Variants in NIPAL2 observed in about 807,000 individuals in gnomAD.
The protein encoded by NIPAL2 is NIPA like domain containing 2, also known as NIPA-like protein 2.
In NIPAL2, 43 loss-of-function variants were observed where a neutral mutation model predicts 48.9. The ratio of observed to expected loss-of-function variants is 0.88; its 90% CI spans 0.69 to 1.13. NIPAL2 has a LOEUF of 1.13. Ranked by LOEUF, NIPAL2 falls within the 50% of genes most tolerant of loss-of-function variation. The pLI, the probability that NIPAL2 is intolerant of heterozygous loss-of-function variation, is 0.00. For synonymous variants in NIPAL2, 167 were observed against 174.6 expected, an observed-to-expected ratio of 0.96 and a Z score of 0.34; for missense variants, 446 against 461.4, an observed-to-expected ratio of 0.97 and a Z score of 0.31.
In NIPAL2 at chr8:98,212,425, A is replaced by G. The variant is rs1042705405; in HGVS notation, c.635T>C (p.Leu212Pro). 1.3e-6 allele frequency: 2 copies of G among 1,586,612 alleles called. No individual in the cohort carries two copies. Among genetic ancestry groups the G allele is most frequent in the African/African-American group, 1.3e-5 (1 of 74,380 alleles). ...TTTACCTAGAATTGCCACCAGGGTT[A>G]GCAGAATCACCATATGCTTCATTCC... Reference protein sequence around the residue: ...RKGMKHMVILLTLVAILASLT... With the variant: ...RKGMKHMVILPTLVAILASLT... Residue 212 changes from leucine to proline, a missense_variant, in exon 6 of 11, where the codon CTA becomes CCA. Physicochemically the swap from Leu to Pro is moderately conservative, Grantham distance 98 (BLOSUM62 -3). Coordinates refer to ENST00000430223, the MANE Select transcript of NIPAL2 (RefSeq NM_001321635.2).
chr8:98,204,330 C>T (rs761862595), intron 7 of NIPAL2, among the ~76,000 whole-genome samples: 7 of 152,258 alleles, frequency 4.6e-5, no homozygotes, highest in South Asian at 2.1e-4. Context: ...AACAATTAGA[C>T]GGTATTTCTC....
chr8:98,288,037 T>C (rs925307066), intron 1 of NIPAL2, among the ~76,000 whole-genome samples: 2 of 152,184 alleles, frequency 1.3e-5, no homozygotes, highest in Non-Finnish European at 2.9e-5. Context: ...ATTTTATACA[T>C]ATATATTTTT....
At chr8:98,261,524 AT>A (rs1314206476) in intron 1 of NIPAL2, among the ~76,000 whole-genome samples, 1 of 142,074 alleles carries the variant, frequency 7.0e-6, no homozygotes, top group African/African-American at 2.7e-5. Context: ...AAGAAAGGGT[AT>A]CAGCAATGGA....
intron 3 of NIPAL2, among the ~76,000 whole-genome samples, chr8:98,236,509 G>A (rs1812721986): frequency 6.6e-6 from 1 of 151,560 alleles, no homozygotes; most frequent in Admixed American, 6.6e-5. Context: ...GGCAGAAAGA[G>A]CAGGAAGGGG....
rs185901436 is a variant in NIPAL2, at chr8:98,269,839, C to G, written c.136-15752G>C. Among the ~76,000 whole-genome samples, 44 of 152,092 alleles carry G rather than the reference C, an allele frequency of 2.9e-4. No individual in the cohort carries two copies. In the East Asian group the frequency reaches 6.0e-3, roughly 21 times the overall value. ...TAGGCAGTTTTTTTAACTCTTGCCC[C>G]CTCCCTCCTCCAGAGTTCCCAGTGT... On this transcript the variant is annotated intron_variant, in intron 1 of 10. Transcript: ENST00000430223.
At chr8:98,194,159 A>G (rs1810435030) in intron 10 of NIPAL2, among the ~76,000 whole-genome samples, 1 of 152,196 alleles carries the variant, frequency 6.6e-6, no homozygotes, top group Non-Finnish European at 1.5e-5. Context: ...CACAGCAGAC[A>G]GTTTCCTTTG....
At chr8:98,236,133 C>A in intron 4 of NIPAL2, 22 bp downstream of exon 4, 12 of 1,491,500 alleles carry the variant, frequency 8.0e-6, no homozygotes, top group Non-Finnish European at 1.1e-5. Flanking sequence ...GCTACAATTA[C>A]ATGAATTAAA....
intron 3 of NIPAL2, among the ~76,000 whole-genome samples, chr8:98,249,111 C>A (rs1453735111): frequency 4.6e-5 from 7 of 152,126 alleles, no homozygotes; most frequent in Non-Finnish European, 7.3e-5. Context: ...GGAGACCTGG[C>A]GTACTGCATC....
chr8:98,264,598 G>C (rs1814587605), intron 1 of NIPAL2, among the ~76,000 whole-genome samples: 2 of 150,966 alleles, frequency 1.3e-5, no homozygotes, highest in Non-Finnish European at 3.0e-5. Context: ...TCTTCAAGGA[G>C]AACTACAAAC....
At chr8:98,265,090 G>A (rs1344060085) in intron 1 of NIPAL2, among the ~76,000 whole-genome samples, 2 of 132,840 alleles carry the variant, frequency 1.5e-5, no homozygotes, top group East Asian at 4.5e-4. Context: ...GTAGAAAGCT[G>A]AAACTGGATC....
intron 1 of NIPAL2, among the ~76,000 whole-genome samples, chr8:98,289,011 G>A (rs1183369178): frequency 6.6e-6 from 1 of 152,048 alleles, no homozygotes; most frequent in Non-Finnish European, 1.5e-5. Context: ...ATAGTAAATG[G>A]TGTCTTTTTC....
At position 98,217,089 on chromosome 8, in the gene NIPAL2, G is replaced by A. The variant is rs559672109; in HGVS notation, c.559-4588C>T. The A allele has an allele frequency of 2.2e-5, 22 of 985,394 alleles. No homozygotes were observed. The South Asian group carries it at 9.4e-4, about 42-fold the overall frequency. 61.0% of individuals were successfully genotyped at this position (985,394 alleles called of 1,614,324 possible). A position where few individuals can be genotyped will look rare whatever the true frequency, so the allele number is the denominator to read the frequency against. ...CCTCTTTGCATTTTGGCAAGGATGG[G>A]GATTGCCCATCTGCAGCAGACAGGC... On this transcript the variant is annotated intron_variant, in intron 5 of 10. Transcript: ENST00000430223.
rs1816649957 is a variant in NIPAL2, at chr8:98,294,159, G to C, written c.-22C>G. 1 of 1,354,018 alleles carries C rather than the reference G, an allele frequency of 7.4e-7. No individual in the cohort carries two copies. 83.9% of individuals were successfully genotyped at this position (1,354,018 alleles called of 1,614,324 possible). Reference sequence around the variant, plus strand: ...CCATGAGGTCTCGCTCCCGGCGCTCGGGCTCCGGCTCGGGCTGCGGCCGCC... The same window carrying C: ...CCATGAGGTCTCGCTCCCGGCGCTCCGGCTCCGGCTCGGGCTGCGGCCGCC... On this transcript the variant is annotated 5_prime_UTR_variant, in exon 1 of 11. Transcript: ENST00000430223.
chr8:98,262,526 CAAAG>C (rs1317339712), intron 1 of NIPAL2, among the ~76,000 whole-genome samples: 2 of 151,388 alleles, frequency 1.3e-5, no homozygotes, highest in African/African-American at 4.9e-5. Flanking sequence ...TCAAAAGAGA[CAAAG>C]AAGGCCATTA....
At chr8:98,293,213 A>C (rs1816584530) in intron 1 of NIPAL2, among the ~76,000 whole-genome samples, 1 of 152,232 alleles carries the variant, frequency 6.6e-6, no homozygotes, top group Non-Finnish European at 1.5e-5. Context: ...AACAAGAACA[A>C]AGTAACACAT....
Position 98,192,184 on chromosome 8 carries a change from TAAAC to T in NIPAL2, c.*790_*793del, listed in dbSNP as rs1340122186. On this transcript the variant is annotated 3_prime_UTR_variant, in exon 11 of 11. Coordinates refer to ENST00000430223, the MANE Select transcript of NIPAL2 (RefSeq NM_001321635.2). ...ACCATTCTAGATTTTTATTAAAAAA[TAAAC>T]AAACATTAGTCCTACTTTTTGTCTC... The T allele has an allele frequency of 2.0e-5, 3 of 152,178 alleles. No individual in the cohort carries two copies. The highest frequency in any genetic ancestry group is 6.5e-5 in the Admixed American group (1 of 15,282). The allele number at this position is 152,178 out of a possible 1,614,324, so 9.4% of individuals were successfully genotyped here.
rs1385181007 is a variant in NIPAL2, at chr8:98,294,201, C to A, written c.-64G>T. 4 of 1,229,798 alleles carry A rather than the reference C, an allele frequency of 3.3e-6. No homozygotes were observed. Among genetic ancestry groups the A allele is most frequent in the Admixed American group, 4.4e-5 (1 of 22,798 alleles). 76.2% of individuals were successfully genotyped at this position (1,229,798 alleles called of 1,614,324 possible). A position where few individuals can be genotyped will look rare whatever the true frequency, so the allele number is the denominator to read the frequency against. ...GCGGCCGCCTCCCCGCCCTGTTGCA[C>A]CGCGAGGAGGCCGCGCCGCAGCCAC... On this transcript the variant is annotated 5_prime_UTR_variant, in exon 1 of 11. Coordinates refer to ENST00000430223, the MANE Select transcript of NIPAL2 (RefSeq NM_001321635.2).
intron 5 of NIPAL2, among the ~76,000 whole-genome samples, chr8:98,218,293 A>C (rs1294035590): frequency 6.6e-6 from 1 of 152,250 alleles, no homozygotes; most frequent in Non-Finnish European, 1.5e-5. Flanking sequence ...AGTCTGGACT[A>C]TCATGAAATT....
intron 5 of NIPAL2, among the ~76,000 whole-genome samples, chr8:98,215,309 A>G (rs2130733556): frequency 6.6e-6 from 1 of 152,364 alleles, no homozygotes; most frequent in East Asian, 1.9e-4. Flanking sequence ...AAGAAGTCAC[A>G]CTGCTCCTAG....
Sources: allele counts gnomAD v4.1 joint callset (sites outside exome capture counted in the v4.1 genomes callset), GRCh38; gene constraint gnomAD v4.1.1; transcripts MANE v1.5; gene names NCBI Gene and HGNC (gene_info 2026-07-23, HGNC 2026-07-21).